Variants in ZNF462 observed in about 807,000 individuals in gnomAD.
ZNF462 encodes the protein zinc finger protein 462, also known as zinc finger PBX1-interacting protein.
In ZNF462, 10 loss-of-function variants were observed where a neutral mutation model predicts 201.9. The observed-to-expected ratio is 0.05, with a 90% CI of 0.03 to 0.08. The LOEUF (loss-of-function observed/expected upper bound fraction) is 0.08, where lower values mean the gene tolerates loss of function less well. ZNF462 is among the 10% of genes least tolerant of loss of function. The pLI is 1.00. For missense variants in ZNF462, 2,523 were observed against 3,168.3 expected (o/e 0.80, Z 4.89); for synonymous variants, 1,227 against 1,193.3 (o/e 1.03, Z -0.58).
At chr9:106,987,553 C>G (rs546958031) in intron 10 of ZNF462, among the ~76,000 whole-genome samples, 4 of 152,124 alleles carry the variant, frequency 2.6e-5, no homozygotes, top group Admixed American at 2.6e-4. Context: ...ATTGTAGATT[C>G]TGATATTAGT....
chr9:106,953,884 A>G (rs1831464060), intron 7 of ZNF462, among the ~76,000 whole-genome samples: 7 of 151,454 alleles, frequency 4.6e-5, no homozygotes, highest in Admixed American at 4.6e-4. Flanking sequence ...ATCCTCTGCC[A>G]CTCCAGGTCT....
Position 106,895,990 on chromosome 9 carries a change from T to G in ZNF462, c.-30-27364T>G, listed in dbSNP as rs1828795246. ...CATTCATTATCTAACCCGCCCTTTC[T>G]AGCCTTAAATCATGTCCTTTTCTTT... On this transcript the variant is annotated intron_variant, in intron 1 of 12. Transcript: ENST00000277225. The surrounding 1 kb of genome is among the most constrained non-coding windows in gnomAD (Gnocchi z 4.4). 6.6e-6 allele frequency among the ~76,000 whole-genome samples: 1 copy of G among 152,218 alleles called. No homozygotes were observed. The highest frequency in any genetic ancestry group is 1.5e-5 in the Non-Finnish European group (1 of 68,030).
At chr9:106,877,137 T>C (rs1032178071) in intron 1 of ZNF462, among the ~76,000 whole-genome samples, 3 of 152,026 alleles carry the variant, frequency 2.0e-5, no homozygotes, top group Non-Finnish European at 2.9e-5. Context: ...CTTACCTTAT[T>C]GGGTCTGGCC....
chr9:106,980,761 T>C (rs966400025), intron 9 of ZNF462, among the ~76,000 whole-genome samples: 7 of 152,144 alleles, frequency 4.6e-5, no homozygotes, highest in Admixed American at 1.3e-4. Flanking sequence ...GTCATAATAT[T>C]TTTGCAGCCA....
rs1270930981 is a variant in ZNF462, at chr9:106,963,197, A to G, written c.6428-8808A>G. 1.3e-5 allele frequency among the ~76,000 whole-genome samples: 2 copies of G among 152,142 alleles called. No homozygotes were observed. On this transcript the variant is annotated intron_variant, in intron 7 of 12. Transcript: ENST00000277225. This position sits in a 1 kb window ranked among gnomAD's most constrained non-coding sequence, Gnocchi z 4.7. ...TGCTCAGTGTTAACAGCACTTGAGA[A>G]ACAGGTATTTTGAGAATGGGAATTA...
At chr9:106,888,994 T>C (rs1179414376) in intron 1 of ZNF462, among the ~76,000 whole-genome samples, 1 of 152,234 alleles carries the variant, frequency 6.6e-6, no homozygotes, top group Non-Finnish European at 1.5e-5. Context: ...TTCAGCAGAA[T>C]GATCCCCTTT....
chr9:106,992,897 A>C (rs1478431324), intron 10 of ZNF462, among the ~76,000 whole-genome samples: 3 of 152,114 alleles, frequency 2.0e-5, no homozygotes, highest in Non-Finnish European at 4.4e-5. Context: ...GTAGGTCTTC[A>C]ATAAATGTTA....
rs779531406 is a variant in ZNF462, at chr9:106,928,846, C to G, written c.4934C>G (p.Ser1645Cys). ...TEEEVGEEPV[S>C]TSHFSTSHLV... ...GAGGAGGTGGGAGAGGAGCCCGTGT[C>G]CACTTCTCACTTCTCTACCTCCCAC... Residue 1645 changes from serine to cysteine, a missense_variant, in exon 3 of 13, where the codon TCC (serine) becomes TGC (cysteine). Physicochemically the swap from Ser to Cys is moderately radical, Grantham distance 112. Transcript: ENST00000277225. The surrounding 1 kb of genome is among the most constrained non-coding windows in gnomAD (Gnocchi z 9.3). 5 of 1,614,052 alleles carry G rather than the reference C, an allele frequency of 3.1e-6. No individual in the cohort carries two copies. The highest frequency in any genetic ancestry group is 4.2e-6 in the Non-Finnish European group (5 of 1,180,024).
chr9:106,888,654 T>C (rs1828437095), intron 1 of ZNF462, among the ~76,000 whole-genome samples: 1 of 152,204 alleles, frequency 6.6e-6, no homozygotes, highest in African/African-American at 2.4e-5. Context: ...TCTGTTGCCA[T>C]TGGCTACTCC....
In ZNF462 at chr9:106,927,771, G is replaced by A. The variant is rs758035553; in HGVS notation, c.3859G>A (p.Asp1287Asn). The change falls in exon 3 of 13, where the codon GAC becomes AAC. Residue 1287 changes from aspartate (D) to asparagine (N), a missense_variant. Asp to Asn is a conservative substitution (Grantham distance 23). This residue lies in a region of ZNF462 where 222 missense variants were observed against 271.6 expected (regional missense o/e 0.82). Transcript: ENST00000277225. Reference protein sequence around the residue: ...FYALRKHIKKDHPALKATVTS... With the variant: ...FYALRKHIKKNHPALKATVTS... ...TGCACTGAGGAAGCATATCAAGAAA[G>A]ACCACCCCGCCCTGAAAGCCACAGT... 10 of 1,613,944 alleles carry A rather than the reference G, an allele frequency of 6.2e-6. No individual in the cohort carries two copies. Among genetic ancestry groups the A allele is most frequent in the Non-Finnish European group, 8.5e-6 (10 of 1,180,040 alleles).
intron 1 of ZNF462, among the ~76,000 whole-genome samples, chr9:106,897,591 T>C (rs1414918450): frequency 2.6e-5 from 4 of 152,346 alleles, no homozygotes; most frequent in South Asian, 2.1e-4. Flanking sequence ...TGTAGTAATG[T>C]TTTATGAGTA....
chr9:106,868,049 A>G (rs1827421708), intron 1 of ZNF462, among the ~76,000 whole-genome samples: 1 of 145,980 alleles, frequency 6.9e-6, no homozygotes, highest in Non-Finnish European at 1.5e-5. Context: ...TATTTCCATG[A>G]CTGAAAGCTA....
At position 106,905,682 on chromosome 9, in the gene ZNF462, C is replaced by T. The variant is rs904758870; in HGVS notation, c.-30-17672C>T. Among the ~76,000 whole-genome samples, 4 of 152,086 alleles carry T rather than the reference C, an allele frequency of 2.6e-5. No individual in the cohort carries two copies. In the East Asian group the frequency reaches 7.7e-4, roughly 29 times the overall value. ...TTATGGCTGCCTCTGCTGAGTCGTA[C>T]AGGTTGTCAGGGAAGTGGGGGAAAG... On this transcript the variant is annotated intron_variant, in intron 1 of 12. Transcript: ENST00000277225. This position sits in a 1 kb window ranked among gnomAD's most constrained non-coding sequence, Gnocchi z 5.9.
chr9:106,936,623 A>G (rs1830643597), intron 6 of ZNF462, among the ~76,000 whole-genome samples: 1 of 152,170 alleles, frequency 6.6e-6, no homozygotes, highest in African/African-American at 2.4e-5. Context: ...GTCTCTGGGA[A>G]ATTTCTACTA....
chr9:106,881,723 C>A (rs1828105748), intron 1 of ZNF462, among the ~76,000 whole-genome samples: 1 of 152,128 alleles, frequency 6.6e-6, no homozygotes, highest in Non-Finnish European at 1.5e-5. Context: ...CAAACATATA[C>A]CTTCTTGGCT....
intron 1 of ZNF462, among the ~76,000 whole-genome samples, chr9:106,910,892 G>A (rs971365789): frequency 1.8e-4 from 28 of 152,016 alleles, no homozygotes; most frequent in Middle Eastern, 3.4e-3. Context: ...ATAGCTTTAG[G>A]GCAACAATCA....
rs1829640906 is a variant in ZNF462 at position 106,913,594 on chromosome 9, TAA to T, written c.-30-9758_-30-9757del. ...GAAATTTTAGTCAGAGGTCACATGCTAAAGACTTAACTTTTTTTTTTTTGAGA... is the reference window on the plus strand; with the variant it reads ...GAAATTTTAGTCAGAGGTCACATGCTAGACTTAACTTTTTTTTTTTTGAGA... On this transcript the variant is annotated intron_variant, in intron 1 of 12. Transcript: ENST00000277225. This position sits in a 1 kb window ranked among gnomAD's most constrained non-coding sequence, Gnocchi z 4.1. 6.8e-6 allele frequency among the ~76,000 whole-genome samples: 1 copy of T among 147,136 alleles called. No homozygotes were observed. The highest frequency in any genetic ancestry group is 1.5e-5 in the Non-Finnish European group (1 of 67,458).
intron 9 of ZNF462, among the ~76,000 whole-genome samples, chr9:106,976,920 G>A (rs1827044877): frequency 6.6e-6 from 1 of 152,144 alleles, no homozygotes; most frequent in African/African-American, 2.4e-5. Flanking sequence ...TTTAAACCCA[G>A]GCTTGTCTGA....
chr9:106,897,621 G>A (rs1255060449), intron 1 of ZNF462, among the ~76,000 whole-genome samples: 2 of 152,150 alleles, frequency 1.3e-5, no homozygotes, highest in East Asian at 1.9e-4. Flanking sequence ...TTTTGTAAGG[G>A]CACTCCTCTT....
Sources: gnomAD v4.1 joint callset for allele counts (sites outside exome capture counted in the v4.1 genomes callset) on GRCh38, gnomAD v4.1.1 for gene constraint, gnomAD v4.1.1 regional missense constraint, Gnocchi (gnomAD v3.1) non-coding constraint, MANE v1.5 for transcripts, NCBI Gene and HGNC (gene_info 2026-07-23, HGNC 2026-07-21) for gene names.